TFEB: variants seen among roughly 807,000 people sequenced by gnomAD.
TFEB encodes transcription factor EB, also known as T-cell transcription factor EB.
A neutral mutation model predicts 48.0 loss-of-function variants in TFEB; 12 were observed. That is an observed-to-expected ratio of 0.25 (90% confidence interval 0.16 to 0.40). The LOEUF is 0.40. TFEB is among the 10% of genes least tolerant of loss of function. TFEB has a pLI of 1.00. For synonymous variants in TFEB, 244 were observed against 261.4 expected (o/e 0.93, Z 0.64); for missense variants, 509 against 640.3 (o/e 0.79, Z 2.21).
chr6:41,709,247 C>CT (rs1770373489), intron 1 of TFEB, among the ~76,000 whole-genome samples: 1 of 152,204 alleles, frequency 6.6e-6, no homozygotes, highest in African/African-American at 2.4e-5. Context: ...TGTTTTGAAC[C>CT]TAGTCAAGCT....
chr6:41,716,194 G>T (rs1280954344), intron 1 of TFEB, among the ~76,000 whole-genome samples: 9 of 152,218 alleles, frequency 5.9e-5, no homozygotes, highest in Non-Finnish European at 1.3e-4. Context: ...GAGGCATACA[G>T]AGGTTGATGA....
intron 1 of TFEB, among the ~76,000 whole-genome samples, chr6:41,721,574 C>T (rs1375494357): frequency 6.6e-6 from 1 of 152,188 alleles, no homozygotes; most frequent in African/African-American, 2.4e-5. Flanking sequence ...AAACCTCCCT[C>T]CAAAAGTATC....
intron 1 of TFEB, among the ~76,000 whole-genome samples, chr6:41,696,045 A>C (rs577178548): frequency 6.6e-6 from 1 of 152,244 alleles, no homozygotes; most frequent in East Asian, 1.9e-4. Flanking sequence ...GCAGCCACCA[A>C]GCATTTGGAG....
rs529199783 is a variant in TFEB, at chr6:41,728,982, G to A, written c.-23+6368C>T. 1.6e-3 allele frequency among the ~76,000 whole-genome samples: 238 copies of A among 152,112 alleles called. 2 individuals are homozygous for A. Among genetic ancestry groups the A allele is most frequent in the Admixed American group, 3.1e-3 (47 of 15,304 alleles). On this transcript the variant is annotated intron_variant, in intron 1 of 8. Coordinates refer to ENST00000373033, the MANE Select transcript of TFEB (RefSeq NM_001271944.2). ...GATTTATTGAGCAGCCACTATATAT[G>A]AGGCTCTCTTCTAGGTGCTAGGGGT... is the stretch of plus-strand genomic sequence containing the variant.
intron 1 of TFEB, among the ~76,000 whole-genome samples, chr6:41,711,710 G>A (rs1007016194): frequency 7.9e-5 from 12 of 152,224 alleles, no homozygotes; most frequent in Non-Finnish European, 1.5e-4. Flanking sequence ...GCCCCAGGGG[G>A]TCAAGCCTCT....
chr6:41,687,028 G>C (rs906057949), intron 7 of TFEB, 66 bp downstream of exon 7: 1 of 1,354,370 alleles, frequency 7.4e-7, no homozygotes, highest in Non-Finnish European at 1.1e-6. Context: ...GGGGCTGAGG[G>C]CAGATAATAC....
rs908996253 is a variant in TFEB, at chr6:41,734,263, A to C, written c.-23+1087T>G. 7 of 803,898 alleles carry C rather than the reference A, an allele frequency of 8.7e-6. No homozygotes were observed. The highest frequency in any genetic ancestry group is 1.1e-5 in the Non-Finnish European group (7 of 664,372). 49.8% of individuals were successfully genotyped at this position (803,898 alleles called of 1,614,324 possible). ...GAGCGGAGGGCGGGGGCCTGGGCCC[A>C]GCGGGGTTCGCGCAGACAAGCCCCG... On this transcript the variant is annotated intron_variant, in intron 1 of 8. Coordinates refer to ENST00000373033, the MANE Select transcript of TFEB (RefSeq NM_001271944.2). This position sits in a 1 kb window ranked among gnomAD's most constrained non-coding sequence, Gnocchi z 4.0.
intron 1 of TFEB, among the ~76,000 whole-genome samples, chr6:41,702,320 T>C (rs6920288): frequency 0.36 from 54,871 of 152,062 alleles, 11,440 homozygotes; most frequent in African/African-American, 0.59. Context: ...TTAGCCCGCC[T>C]GAGAGCCTGG....
At position 41,686,202 on chromosome 6, in the gene TFEB, G is replaced by A; in HGVS notation, c.839C>T (p.Ala280Val). ...VRWNKGTILK[A>V]SVDYIRRMQK... ...CATCCTCCGGATGTAATCCACAGAG[G>A]CCTTGAGGATGGTGCCCTTGTTCCA... The change falls in exon 8 of 9, where the codon GCC becomes GTC. Residue 280 changes from alanine (A) to valine (V), a missense_variant. Around this residue, in one of 4 missense-constraint regions of TFEB, gnomAD observed 28 missense variants for 71.9 expected, o/e 0.39. Transcript: ENST00000373033. 1 of 1,614,244 alleles carries A rather than the reference G, an allele frequency of 6.2e-7. No homozygotes were observed. Among genetic ancestry groups the A allele is most frequent in the Non-Finnish European group, 8.5e-7 (1 of 1,180,038 alleles).
chr6:41,723,693 G>T lies in TFEB; in HGVS notation c.-23+11657C>A. On this transcript the variant is annotated intron_variant, in intron 1 of 8. Transcript: ENST00000373033. This position sits in a 1 kb window ranked among gnomAD's most constrained non-coding sequence, Gnocchi z 6.0. ...CACAGCACAGAGGGAACTGCGCCCC[G>T]ACGGCACAGTCCCACACCGCAGCCT... 1 of 451,040 alleles carries T rather than the reference G, an allele frequency of 2.2e-6. No individual in the cohort carries two copies. Among genetic ancestry groups the T allele is most frequent in the Non-Finnish European group, 3.8e-6 (1 of 263,004 alleles). 27.9% of individuals were successfully genotyped at this position (451,040 alleles called of 1,614,324 possible).
intron 7 of TFEB, 80 bp downstream of exon 7, chr6:41,687,014 G>T: frequency 8.3e-7 from 1 of 1,208,586 alleles, no homozygotes; most frequent in Non-Finnish European, 1.2e-6. Context: ...CTAGTAACTA[G>T]CATGGGGCTG....
rs1768882327 is a variant in TFEB, at chr6:41,684,538, T to C, written c.*61A>G. ...TGCAGCCTGAAGGGTGGGAGGGAGG[T>C]GCCCCTGGCCCTCCCAGCCCCCAGG... is the stretch of plus-strand genomic sequence containing the variant. On this transcript the variant is annotated 3_prime_UTR_variant, in exon 9 of 9. Coordinates refer to ENST00000373033, the MANE Select transcript of TFEB (RefSeq NM_001271944.2). 6.8e-7 allele frequency: 1 copy of C among 1,479,738 alleles called. No individual in the cohort carries two copies. The highest frequency in any genetic ancestry group is 2.4e-5 in the Admixed American group (1 of 41,236). 91.7% of individuals were successfully genotyped at this position (1,479,738 alleles called of 1,614,324 possible). A position where few individuals can be genotyped will look rare whatever the true frequency, so the allele number is the denominator to read the frequency against.
chr6:41,733,605 G>C (rs978328335), intron 1 of TFEB: 3 of 985,336 alleles, frequency 3.0e-6, no homozygotes, highest in African/African-American at 1.7e-5. Flanking sequence ...GGAGAGAAGG[G>C]AGCCAGGCGA....
chr6:41,708,991 G>C (rs1201390372), intron 1 of TFEB, among the ~76,000 whole-genome samples: 1 of 152,216 alleles, frequency 6.6e-6, no homozygotes, highest in African/African-American at 2.4e-5. Context: ...AAGTTGCATG[G>C]AGAAGAAACC....
rs1771093996 is a variant in TFEB at position 41,723,855 on chromosome 6, A to G, written c.-23+11495T>C. On this transcript the variant is annotated intron_variant, in intron 1 of 8. Transcript: ENST00000373033. This position sits in a 1 kb window ranked among gnomAD's most constrained non-coding sequence, Gnocchi z 6.0. Reference sequence around the variant, plus strand: ...GAGGGCCCTAGGCAGATGGAGAGACACAGAGCAGCAAGAATTTCGCCAGAG... The same window carrying G: ...GAGGGCCCTAGGCAGATGGAGAGACGCAGAGCAGCAAGAATTTCGCCAGAG... The G allele has an allele frequency of 2.1e-6, 1 of 481,188 alleles. No homozygotes were observed. Among genetic ancestry groups the G allele is most frequent in the Non-Finnish European group, 4.1e-6 (1 of 241,120 alleles). 29.8% of individuals were successfully genotyped at this position (481,188 alleles called of 1,614,324 possible).
chr6:41,695,668 CAG>C (rs1769539279), intron 1 of TFEB, among the ~76,000 whole-genome samples: 1 of 152,070 alleles, frequency 6.6e-6, no homozygotes, highest in Non-Finnish European at 1.5e-5. Context: ...CCAAACTGTT[CAG>C]AGTTGTTACC....
At chr6:41,686,510 T>TTC (rs1327228840) in intron 7 of TFEB, 2 of 98,742 alleles carry the variant, frequency 2.0e-5, no homozygotes, top group South Asian at 4.5e-4. Flanking sequence ...CTACCTTTCT[T>TTC]TTTTTTTTTT....
intron 1 of TFEB, among the ~76,000 whole-genome samples, chr6:41,703,557 C>T (rs943876969): frequency 6.6e-6 from 1 of 152,250 alleles, no homozygotes; most frequent in Non-Finnish European, 1.5e-5. Flanking sequence ...GTCAAACCTG[C>T]TTCTGAGTAC....
Position 41,723,647 on chromosome 6 carries a change from C to A in TFEB, c.-23+11703G>T, listed in dbSNP as rs1275162687. On this transcript the variant is annotated intron_variant, in intron 1 of 8. Coordinates refer to ENST00000373033, the MANE Select transcript of TFEB (RefSeq NM_001271944.2). This position sits in a 1 kb window ranked among gnomAD's most constrained non-coding sequence, Gnocchi z 6.0. The stretch of plus-strand genomic sequence containing the variant: ...AAGTTGCACAATCCCCTGGGAGCTG[C>A]AAATGCGGCCGAGGATTACTCACAG... 6.0e-5 allele frequency: 50 copies of A among 833,754 alleles called. No individual in the cohort carries two copies. Among genetic ancestry groups the A allele is most frequent in the Non-Finnish European group, 8.0e-5 (49 of 609,730 alleles). 51.6% of individuals were successfully genotyped at this position (833,754 alleles called of 1,614,324 possible). A position where few individuals can be genotyped will look rare whatever the true frequency, so the allele number is the denominator to read the frequency against.
Sources: gnomAD v4.1 joint callset for allele counts (sites outside exome capture counted in the v4.1 genomes callset) on GRCh38, gnomAD v4.1.1 for gene constraint, gnomAD v4.1.1 regional missense constraint, Gnocchi (gnomAD v3.1) non-coding constraint, MANE v1.5 for transcripts, NCBI Gene and HGNC (gene_info 2026-07-23, HGNC 2026-07-21) for gene names.